The following ASPRV1 variants were observed in gnomAD, a reference collection of about 807,000 sequenced individuals.
The protein encoded by ASPRV1 is aspartic peptidase retroviral like 1, also known as retroviral-like aspartic protease 1.
Under a neutral mutation model 11.0 loss-of-function variants are expected in ASPRV1, and 7 were observed. That is an observed-to-expected ratio of 0.64 (90% CI 0.36 to 1.20). ASPRV1 has a LOEUF of 1.20. Ranked by LOEUF, ASPRV1 falls within the 50% of genes most tolerant of loss-of-function variation. The pLI, the probability that ASPRV1 is intolerant of heterozygous loss-of-function variation, is 0.02. For synonymous variants in ASPRV1, 136 were observed against 138.4 expected (o/e 0.98, Z 0.12); for missense variants, 299 against 320.0 (o/e 0.93, Z 0.50).
the ASPRV1 span, among the ~76,000 whole-genome samples, chr2:69,989,601 G>A: frequency 6.6e-6 from 1 of 152,334 alleles, no homozygotes; most frequent in African/African-American, 2.4e-5. Flanking sequence ...GCGTGGAGGG[G>A]GCACTAAGTG....
the ASPRV1 span, among the ~76,000 whole-genome samples, chr2:70,021,320 CTTTTT>C: frequency 7.3e-6 from 1 of 137,630 alleles, no homozygotes; most frequent in African/African-American, 2.7e-5. Context: ...TGAATAAATT[CTTTTT>C]TTTTTTTTTT....
chr2:70,070,179 C>CAAAAAAAAAAAAAAAAAA, the ASPRV1 span: 1 of 47,116 alleles, frequency 2.1e-5, no homozygotes. Context: ...GACTCCATCT[C>CAAAAAAAAAAAAAAAAAA]AAAAAAAAAA....
At chr2:70,027,005 C>T in the ASPRV1 span, among the ~76,000 whole-genome samples, 1 of 151,984 alleles carries the variant, frequency 6.6e-6, no homozygotes, top group Non-Finnish European at 1.5e-5. Flanking sequence ...AATCCCAGCA[C>T]TTTGGGAGGC....
the ASPRV1 span, among the ~76,000 whole-genome samples, chr2:69,986,615 G>T: frequency 6.6e-6 from 1 of 152,204 alleles, no homozygotes. Flanking sequence ...CGCTGCCCTG[G>T]GTTCTGATAG....
At position 69,960,686 on chromosome 2, in the gene ASPRV1, C is replaced by A; in HGVS notation, c.751G>T (p.Glu251Ter). Residue 251 changes from glutamate to a stop codon, truncating the protein, a stop_gained, in exon 1 of 1, where the codon GAA becomes TAA. Transcript: ENST00000320256. LOFTEE classifies it high-confidence loss of function. Reference sequence around the variant, plus strand: ...TGGGATAGCTCCTGCCGCCCTTCTTCTGAGGAGGGGTCCTCCTCTATGAGC... The same window carrying A: ...TGGGATAGCTCCTGCCGCCCTTCTTATGAGGAGGGGTCCTCCTCTATGAGC... Reference protein sequence around the residue: ...LELIEEDPSSEEGRQELSH With the variant: ...LELIEEDPSS 6.2e-7 allele frequency: 1 copy of A among 1,613,612 alleles called. No individual in the cohort carries two copies. The highest frequency in any genetic ancestry group is 8.5e-7 in the Non-Finnish European group (1 of 1,179,808).
chr2:70,071,955 C>CT, the ASPRV1 span, among the ~76,000 whole-genome samples: 97 of 138,244 alleles, frequency 7.0e-4, no homozygotes, highest in Middle Eastern at 3.6e-3. Context: ...ATTTTTCTTT[C>CT]TTTTTTTTTT....
At chr2:70,001,828 T>C in the ASPRV1 span, among the ~76,000 whole-genome samples, 4 of 152,126 alleles carry the variant, frequency 2.6e-5, no homozygotes, top group Non-Finnish European at 4.4e-5. Flanking sequence ...ATGGACACAA[T>C]TGTTAATAAC....
chr2:70,047,223 C>T, the ASPRV1 span, among the ~76,000 whole-genome samples: 1 of 152,116 alleles, frequency 6.6e-6, no homozygotes, highest in Non-Finnish European at 1.5e-5. Context: ...AGAACAAGAA[C>T]AGGATCTAAA....
chr2:70,063,760 A>G, the ASPRV1 span: 4 of 152,200 alleles, frequency 2.6e-5, no homozygotes, highest in Non-Finnish European at 5.9e-5. Context: ...TTGTATGTCA[A>G]CTATCTGATC....
chr2:70,057,110 A>G, the ASPRV1 span, among the ~76,000 whole-genome samples: 1 of 152,086 alleles, frequency 6.6e-6, no homozygotes, highest in Non-Finnish European at 1.5e-5. Context: ...AGGATATTAA[A>G]AAACAAAAAG....
the ASPRV1 span, among the ~76,000 whole-genome samples, chr2:69,992,925 C>T: frequency 1.3e-5 from 2 of 152,244 alleles, no homozygotes; most frequent in East Asian, 1.9e-4. Context: ...CTGGGCCCCA[C>T]TGCCTTCTAC....
chr2:70,040,309 A>T, the ASPRV1 span, among the ~76,000 whole-genome samples: 12 of 152,168 alleles, frequency 7.9e-5, no homozygotes, highest in Non-Finnish European at 1.6e-4. Context: ...AGAAGTTTGA[A>T]GCTGCAGTGA....
the ASPRV1 span, among the ~76,000 whole-genome samples, chr2:70,027,353 A>G: frequency 6.6e-6 from 1 of 152,056 alleles, no homozygotes; most frequent in Non-Finnish European, 1.5e-5. Context: ...TCCTCAAGAA[A>G]CTAAAAATAT....
At chr2:69,946,577 G>T in the ASPRV1 span, among the ~76,000 whole-genome samples, 1 of 152,194 alleles carries the variant, frequency 6.6e-6, no homozygotes, top group African/African-American at 2.4e-5. Flanking sequence ...CCCAGCCAAG[G>T]AGAGAACGTT....
the ASPRV1 span, among the ~76,000 whole-genome samples, chr2:70,039,763 C>T: frequency 6.6e-6 from 1 of 152,228 alleles, no homozygotes; most frequent in East Asian, 1.9e-4. Flanking sequence ...TTCCTCTCCA[C>T]GACTTCCATT....
chr2:70,077,740 A>G, the ASPRV1 span, among the ~76,000 whole-genome samples: 1 of 152,170 alleles, frequency 6.6e-6, no homozygotes, highest in African/African-American at 2.4e-5. Flanking sequence ...CTGCTGTCCC[A>G]GCTACACAGG....
chr2:69,948,992 C>G, the ASPRV1 span, among the ~76,000 whole-genome samples: 2 of 152,172 alleles, frequency 1.3e-5, no homozygotes, highest in Admixed American at 1.3e-4. Flanking sequence ...TCACTCAGGT[C>G]TCAGTGCAAA....
the ASPRV1 span, among the ~76,000 whole-genome samples, chr2:69,982,590 G>C: frequency 6.6e-6 from 1 of 152,214 alleles, no homozygotes; most frequent in East Asian, 1.9e-4. Flanking sequence ...AAAAAATAAA[G>C]GGAGAGGTTG....
At chr2:70,039,946 T>G in the ASPRV1 span, among the ~76,000 whole-genome samples, 1 of 152,270 alleles carries the variant, frequency 6.6e-6, no homozygotes, top group Admixed American at 6.5e-5. Context: ...GTGATGCTCC[T>G]AAATCAAGGA....
Sources: allele counts gnomAD v4.1 joint callset (sites outside exome capture counted in the v4.1 genomes callset), GRCh38; gene constraint gnomAD v4.1.1; transcripts MANE v1.5; gene names NCBI Gene and HGNC (gene_info 2026-07-23, HGNC 2026-07-21).